The following LARGE1 variants were observed in gnomAD, a reference collection of about 807,000 sequenced individuals.
The protein encoded by LARGE1 is xylosyl- and glucuronyltransferase LARGE1.
LARGE1 carries 43 observed loss-of-function variants against 87.6 expected under a neutral mutation model. The observed-to-expected ratio is 0.49, with a 90% confidence interval of 0.38 to 0.63. The LOEUF (loss-of-function observed/expected upper bound fraction) is 0.63. LARGE1 is among the 30% of genes least tolerant of loss of function. The pLI is 0.00. For missense variants in LARGE1, 802 were observed against 1,000.2 expected (o/e 0.80, Z 2.67); for synonymous variants, 434 against 394.6 (o/e 1.10, Z -1.18).
intron 10 of LARGE1, among the ~76,000 whole-genome samples, chr22:33,324,228 CAAAAAAAAAAAAAAAAA>C (rs1161508287): frequency 1.9e-4 from 2 of 10,738 alleles, no homozygotes; most frequent in African/African-American, 3.0e-4. Flanking sequence ...GACTCCATCT[CAAAAAAAAAAAAAAAAA>C]AAAAAAAAAA....
At chr22:33,535,561 G>C (rs1569247177) in intron 6 of LARGE1, among the ~76,000 whole-genome samples, 1 of 150,944 alleles carries the variant, frequency 6.6e-6, no homozygotes, top group African/African-American at 2.4e-5. Flanking sequence ...AAAAAAAAAA[G>C]AAAAAAAATG....
chr22:33,350,339 C>A (rs114770163), intron 9 of LARGE1, among the ~76,000 whole-genome samples: 1 of 152,150 alleles, frequency 6.6e-6, no homozygotes, highest in Admixed American at 6.5e-5. Flanking sequence ...TGCCTTTATG[C>A]GACTTCCCTG....
At chr22:33,685,728 G>A (rs893323251) in intron 2 of LARGE1, among the ~76,000 whole-genome samples, 8 of 152,122 alleles carry the variant, frequency 5.3e-5, no homozygotes, top group Non-Finnish European at 1.2e-4. Context: ...TCCAAGATGC[G>A]CCCTCATCTA....
the LARGE1 span, among the ~76,000 whole-genome samples, chr22:33,094,096 C>A: frequency 1.3e-5 from 2 of 152,178 alleles, no homozygotes; most frequent in South Asian, 4.2e-4. Context: ...GTTCAAAGTA[C>A]TCAGCTTGCA....
chr22:33,322,518 T>A (rs2146371892), intron 10 of LARGE1: 1 of 152,386 alleles, frequency 6.6e-6, no homozygotes, highest in South Asian at 2.1e-4. Flanking sequence ...TGCTTATTGC[T>A]GACTGCGTGG....
At chr22:33,256,235 AGGCAT>A (rs1334688743) in intron 11 of LARGE1, among the ~76,000 whole-genome samples, 1 of 152,250 alleles carries the variant, frequency 6.6e-6, no homozygotes, top group Non-Finnish European at 1.5e-5. Flanking sequence ...AGAGATTCTC[AGGCAT>A]GGTATGAGTA....
rs1208405252 is a variant in LARGE1, at chr22:33,640,757, G to A, written c.408+9610C>T. Among the ~76,000 whole-genome samples, 6 of 152,228 alleles carry A rather than the reference G, an allele frequency of 3.9e-5. No individual in the cohort carries two copies. In the East Asian group the frequency reaches 5.8e-4, roughly 15 times the overall value. On this transcript the variant is annotated intron_variant, in intron 3 of 14. Transcript: ENST00000397394. ...GATTGAGCTTGGTGGAGAAAGGGGC[G>A]TCCACCATACTGAGGCCTGAGTATG...
chr22:33,473,829 A>C (rs2068960792), intron 6 of LARGE1, among the ~76,000 whole-genome samples: 2 of 152,206 alleles, frequency 1.3e-5, no homozygotes, highest in African/African-American at 4.8e-5. Context: ...GAAGAGGGAG[A>C]GAAAAAACAG....
chr22:33,851,186 T>C (rs564404374), intron 1 of LARGE1, among the ~76,000 whole-genome samples: 6 of 152,220 alleles, frequency 3.9e-5, no homozygotes, highest in Non-Finnish European at 5.9e-5. Context: ...CCCTGTTTTT[T>C]ACAAATGAAA....
chr22:33,383,128 T>C (rs898850114), intron 8 of LARGE1, among the ~76,000 whole-genome samples: 1 of 152,092 alleles, frequency 6.6e-6, no homozygotes, highest in African/African-American at 2.4e-5. Context: ...CTCAGAGAAA[T>C]CATCTTCGTG....
chr22:33,205,566 G>A (rs534666549), intron 11 of LARGE1, among the ~76,000 whole-genome samples: 1 of 152,294 alleles, frequency 6.6e-6, no homozygotes, highest in East Asian at 1.9e-4. Context: ...ATTCTCATTT[G>A]TAGCCAGCAG....
chr22:33,507,930 G>A (rs1045678282), intron 6 of LARGE1, among the ~76,000 whole-genome samples: 1 of 152,066 alleles, frequency 6.6e-6, no homozygotes, highest in African/African-American at 2.4e-5. Flanking sequence ...TCTGGAAGAG[G>A]GGGACCTTTA....
At chr22:33,579,712 TAA>T (rs1476965372) in intron 5 of LARGE1, among the ~76,000 whole-genome samples, 1 of 152,198 alleles carries the variant, frequency 6.6e-6, no homozygotes, top group Non-Finnish European at 1.5e-5. Context: ...CAAGCCATGC[TAA>T]AGTGTCATCC....
intron 10 of LARGE1, among the ~76,000 whole-genome samples, chr22:33,329,037 C>G (rs1485755010): frequency 6.6e-6 from 1 of 152,026 alleles, no homozygotes; most frequent in Non-Finnish European, 1.5e-5. Flanking sequence ...AGAGAAAGGT[C>G]TTAGAACAGC....
At chr22:33,357,210 G>T (rs1940976605) in intron 9 of LARGE1, among the ~76,000 whole-genome samples, 1 of 152,124 alleles carries the variant, frequency 6.6e-6, no homozygotes, top group African/African-American at 2.4e-5. Context: ...TGAAAACATG[G>T]ATAGGACTGG....
At chr22:33,208,449 T>C (rs916144850) in intron 11 of LARGE1, among the ~76,000 whole-genome samples, 2 of 152,208 alleles carry the variant, frequency 1.3e-5, no homozygotes, top group Non-Finnish European at 2.9e-5. Context: ...TCAAACGTTG[T>C]TACTCATTGT....
At chr22:33,658,254 T>C (rs1465697168) in intron 2 of LARGE1, among the ~76,000 whole-genome samples, 3 of 151,968 alleles carry the variant, frequency 2.0e-5, no homozygotes, top group African/African-American at 7.3e-5. Flanking sequence ...TCTCTGGAGG[T>C]GGGGGTCTAG....
intron 12 of LARGE1, among the ~76,000 whole-genome samples, chr22:33,299,163 T>C (rs1431919601): frequency 2.7e-5 from 4 of 150,388 alleles, no homozygotes; most frequent in African/African-American, 7.4e-5. Context: ...CGGTGAGCCA[T>C]GATTGCACCA....
At chr22:33,183,836 T>C (rs1284402959) in intron 11 of LARGE1, among the ~76,000 whole-genome samples, 1 of 151,842 alleles carries the variant, frequency 6.6e-6, no homozygotes, top group Non-Finnish European at 1.5e-5. Context: ...AGAACGGTGG[T>C]TGTCAGAGGC....
Sources: gnomAD v4.1 joint callset for allele counts (sites outside exome capture counted in the v4.1 genomes callset) on GRCh38, gnomAD v4.1.1 for gene constraint, MANE v1.5 for transcripts, NCBI Gene and HGNC (gene_info 2026-07-23, HGNC 2026-07-21) for gene names.